DTNB: variants seen among roughly 807,000 people sequenced by gnomAD.
DTNB encodes DTN-B.
A neutral mutation model predicts 90.7 loss-of-function variants in DTNB; 63 were observed. That is an observed-to-expected ratio of 0.69 (90% CI 0.57 to 0.86). The LOEUF is 0.86. DTNB is among the 40% of genes least tolerant of loss of function. The pLI, the probability that DTNB is intolerant of heterozygous loss-of-function variation, is 0.00. For missense variants in DTNB, 744 were observed against 807.1 expected, an observed-to-expected ratio of 0.92 and a Z score of 0.95; for synonymous variants, 277 against 286.7, an observed-to-expected ratio of 0.97 and a Z score of 0.34.
chr2:25,524,489 A>G (rs1042426377), intron 9 of DTNB, among the ~76,000 whole-genome samples: 4 of 149,650 alleles, frequency 2.7e-5, no homozygotes, highest in African/African-American at 7.4e-5. Flanking sequence ...TAGTTAAACT[A>G]TAAAATCTGA....
chr2:25,576,191 T>TG lies in DTNB; in HGVS notation c.876+646dup, dbSNP rs201287905. Among the ~76,000 whole-genome samples, 64 of 149,070 alleles carry TG rather than the reference T, an allele frequency of 4.3e-4. No homozygotes were observed. The East Asian group carries it at 8.4e-3, about 20-fold the overall frequency. On this transcript the variant is annotated intron_variant, in intron 8 of 20. Transcript: ENST00000406818. ...TACTTAGAGCTCAAAAGAATAAGCA[T>TG]GGGGGGGCGGAATCCCCTTGAACAG... is the stretch of plus-strand genomic sequence containing the variant.
At chr2:25,414,170 G>A (rs901897137) in intron 16 of DTNB, among the ~76,000 whole-genome samples, 3 of 152,162 alleles carry the variant, frequency 2.0e-5, no homozygotes, top group South Asian at 2.1e-4. Context: ...GTAGATTCTG[G>A]ATATTAGCCC....
intron 8 of DTNB, among the ~76,000 whole-genome samples, chr2:25,548,806 T>C (rs566466665): frequency 7.5e-4 from 115 of 152,324 alleles, no homozygotes; most frequent in Non-Finnish European, 1.2e-4. Flanking sequence ...CTGGCTGCTA[T>C]ATTTAGAACA....
At chr2:25,497,523 T>C (rs1227735719) in intron 9 of DTNB, 3 of 152,272 alleles carry the variant, frequency 2.0e-5, no homozygotes, top group Admixed American at 6.5e-5. Context: ...TTGAGTTTTT[T>C]GTTTTGCTGA....
chr2:25,644,460 T>C (rs1038453616), intron 2 of DTNB, among the ~76,000 whole-genome samples: 1 of 152,214 alleles, frequency 6.6e-6, no homozygotes, highest in Non-Finnish European at 1.5e-5. Flanking sequence ...CCATTTATGA[T>C]TGAAAAAATT....
intron 8 of DTNB, among the ~76,000 whole-genome samples, chr2:25,575,157 A>C (rs570466389): frequency 1.8e-4 from 28 of 152,176 alleles, no homozygotes; most frequent in African/African-American, 6.7e-4. Context: ...TTTCAGTAGA[A>C]ATATACCAGC....
intron 16 of DTNB, among the ~76,000 whole-genome samples, chr2:25,403,809 G>T (rs1263368205): frequency 1.3e-5 from 2 of 152,168 alleles, no homozygotes; most frequent in African/African-American, 4.8e-5. Flanking sequence ...TTGTTTGTTT[G>T]TTTTTTGAGA....
At chr2:25,418,062 T>A (rs1369156599) in intron 16 of DTNB, among the ~76,000 whole-genome samples, 1 of 152,152 alleles carries the variant, frequency 6.6e-6, no homozygotes, top group Non-Finnish European at 1.5e-5. Flanking sequence ...CCCATGTAAG[T>A]GTACCTACTG....
intron 9 of DTNB, among the ~76,000 whole-genome samples, chr2:25,501,303 C>T (rs1454260783): frequency 6.6e-6 from 1 of 151,898 alleles, no homozygotes; most frequent in African/African-American, 2.4e-5. Flanking sequence ...CAACCTCGAA[C>T]TCCTCAGCTC....
At chr2:25,634,749 G>A (rs2076766825) in intron 3 of DTNB, among the ~76,000 whole-genome samples, 1 of 115,360 alleles carries the variant, frequency 8.7e-6, no homozygotes. Context: ...GTTGATTGGT[G>A]ACCTTACCCC....
In DTNB at chr2:25,515,052, AAGGGAATATATCCAC is replaced by A. The variant is rs577423720; in HGVS notation, c.1001+16406_1001+16420del. Among the ~76,000 whole-genome samples the A allele has an allele frequency of 3.6e-4, 55 of 152,314 alleles. No homozygotes were observed. The South Asian group carries it at 4.4e-3, about 12-fold the overall frequency. ...CAGGATATAAAAGTGGGTTGAATCAAAGGGAATATATCCACAGTTGTGGCTACTGCTAAGGATTTG... is the reference window on the plus strand; with the variant it reads ...CAGGATATAAAAGTGGGTTGAATCAAAGTTGTGGCTACTGCTAAGGATTTG... On this transcript the variant is annotated intron_variant, in intron 9 of 20. Coordinates refer to ENST00000406818, the MANE Select transcript of DTNB (RefSeq NM_021907.5).
intron 10 of DTNB, among the ~76,000 whole-genome samples, chr2:25,474,101 T>C (rs1266110312): frequency 6.6e-6 from 1 of 152,220 alleles, no homozygotes; most frequent in Non-Finnish European, 1.5e-5. Context: ...TTTGTACTAA[T>C]CTGAGTTAGA....
In DTNB at chr2:25,433,943, CTT is replaced by C; in HGVS notation, c.1308_1309del (p.Arg437ThrfsTer33). 1 of 1,613,672 alleles carries C rather than the reference CTT, an allele frequency of 6.2e-7. No individual in the cohort carries two copies. The highest frequency in any genetic ancestry group is 8.5e-7 in the Non-Finnish European group (1 of 1,179,792). On this transcript the variant is annotated frameshift_variant, in exon 13 of 21. Coordinates refer to ENST00000406818, the MANE Select transcript of DTNB (RefSeq NM_021907.5). LOFTEE classifies it high-confidence loss of function. The stretch of plus-strand genomic sequence containing the variant: ...GTTTTCCAGTTCTGCAATAAGCTGT[CTT>C]TGTTGTTTGTTGGCATCAAAGTTAA...
At chr2:25,537,243 A>G (rs2080044234) in intron 8 of DTNB, among the ~76,000 whole-genome samples, 1 of 152,182 alleles carries the variant, frequency 6.6e-6, no homozygotes, top group East Asian at 1.9e-4. Flanking sequence ...AGGACATCAA[A>G]GAGAACACCT....
intron 10 of DTNB, among the ~76,000 whole-genome samples, chr2:25,471,994 T>C (rs2062903217): frequency 6.6e-6 from 1 of 152,222 alleles, no homozygotes; most frequent in African/African-American, 2.4e-5. Context: ...CTGCTCTGAA[T>C]GGAATAAGCA....
chr2:25,546,878 C>T (rs2082542712), intron 8 of DTNB, among the ~76,000 whole-genome samples: 1 of 151,636 alleles, frequency 6.6e-6, no homozygotes, highest in South Asian at 2.1e-4. Context: ...CAGAATCCTG[C>T]TCTGTTGCCC....
chr2:25,510,415 C>T (rs970062344), intron 9 of DTNB, among the ~76,000 whole-genome samples: 1 of 152,056 alleles, frequency 6.6e-6, no homozygotes, highest in African/African-American at 2.4e-5. Context: ...TTAATTCTTA[C>T]ACAGGCCAGC....
intron 16 of DTNB, among the ~76,000 whole-genome samples, chr2:25,411,081 G>T (rs2046472546): frequency 6.6e-6 from 1 of 152,032 alleles, no homozygotes; most frequent in Non-Finnish European, 1.5e-5. Context: ...AACCATAGCT[G>T]GGCGCGGTGG....
intron 1 of DTNB, 40 bp from the exon 2 acceptor site, chr2:25,652,701 C>A: frequency 6.3e-7 from 1 of 1,589,124 alleles, no homozygotes; most frequent in East Asian, 2.2e-5. Flanking sequence ...CTGTATAATT[C>A]GACAATTCAA....
Sources: gnomAD v4.1 joint callset for allele counts (sites outside exome capture counted in the v4.1 genomes callset) on GRCh38, gnomAD v4.1.1 for gene constraint, MANE v1.5 for transcripts, NCBI Gene and HGNC (gene_info 2026-07-23, HGNC 2026-07-21) for gene names.